Variants in LRP6 observed in about 807,000 individuals in gnomAD.
The protein encoded by LRP6 is LDL receptor related protein 6.
Under a neutral mutation model 184.1 loss-of-function variants are expected in LRP6, and 43 were observed. The ratio of observed to expected loss-of-function variants is 0.23; its 90% CI spans 0.18 to 0.30. The LOEUF is 0.30. Among genes scored for constraint, LRP6 ranks in the 10% least tolerant of loss-of-function variants. The pLI is 1.00. For synonymous variants in LRP6, 719 were observed against 684.9 expected, an observed-to-expected ratio of 1.05 and a Z score of -0.78; for missense variants, 1,571 against 2,005.3, an observed-to-expected ratio of 0.78 and a Z score of 4.14.
At chr12:12,202,405 T>G (rs924970886) in intron 3 of LRP6, among the ~76,000 whole-genome samples, 2 of 152,142 alleles carry the variant, frequency 1.3e-5, no homozygotes, top group Non-Finnish European at 2.9e-5. Flanking sequence ...TAGCCCGGTG[T>G]GATGGCGTGT....
At chr12:12,169,890 C>T (rs1862985703) in intron 7 of LRP6, among the ~76,000 whole-genome samples, 1 of 152,090 alleles carries the variant, frequency 6.6e-6, no homozygotes, top group Admixed American at 6.6e-5. Context: ...ACACTGTTTC[C>T]TTTAATTCCT....
intron 7 of LRP6, among the ~76,000 whole-genome samples, chr12:12,174,249 T>A (rs1402871742): frequency 1.3e-5 from 2 of 152,066 alleles, no homozygotes; most frequent in African/African-American, 4.8e-5. Flanking sequence ...ATAGCTGGGA[T>A]TACAGGCGCA....
chr12:12,255,971 A>T (rs946642052), intron 1 of LRP6, among the ~76,000 whole-genome samples: 1 of 152,176 alleles, frequency 6.6e-6, no homozygotes, highest in Non-Finnish European at 1.5e-5. Context: ...CAAAGTCATC[A>T]GCATCTCTTT....
Position 12,203,411 on chromosome 12 carries a change from T to C in LRP6, c.450-11A>G. On this transcript the variant is annotated splice_polypyrimidine_tract_variant and intron_variant, in intron 2 of 22. Coordinates refer to ENST00000261349, the MANE Select transcript of LRP6 (RefSeq NM_002336.3). ...GTCCAGTACATGAACCTAAAAATCA[T>C]AAAAATAATTAAAGCCATGACAGAG... 1.3e-6 allele frequency: 2 copies of C among 1,586,516 alleles called. No homozygotes were observed. The highest frequency in any genetic ancestry group is 1.3e-5 in the African/African-American group (1 of 74,452).
intron 2 of LRP6, among the ~76,000 whole-genome samples, chr12:12,203,974 C>T (rs1450569850): frequency 1.3e-5 from 2 of 152,084 alleles, no homozygotes; most frequent in African/African-American, 4.8e-5. Flanking sequence ...CAATGTATCT[C>T]CCCACAGATT....
intron 15 of LRP6, among the ~76,000 whole-genome samples, chr12:12,140,763 C>A (rs2136892687): frequency 6.6e-6 from 1 of 152,148 alleles, no homozygotes; most frequent in South Asian, 2.1e-4. Context: ...GTCACCATGC[C>A]AGGCTAATTT....
chr12:12,124,585 A>G lies in LRP6; in HGVS notation c.4527T>C (p.Pro1509=). 2 of 1,611,646 alleles carry G rather than the reference A, an allele frequency of 1.2e-6. No individual in the cohort carries two copies. Among genetic ancestry groups the G allele is most frequent in the Non-Finnish European group, 1.7e-6 (2 of 1,177,668 alleles). Residue 1509 remains proline (P), a synonymous_variant, in exon 22 of 23, where the codon CCT becomes CCC. Coordinates refer to ENST00000261349, the MANE Select transcript of LRP6 (RefSeq NM_002336.3). ...TMEFGYSSNS[P]STHRSYSYRP... is the part of the protein sequence containing the mutation. ...ATTACCTGTATGACCTATGAGTGGA[A>G]GGACTGTTTGAAGAATATCCAAATT...
intron 2 of LRP6, chr12:12,226,530 T>C (rs1864628118): frequency 6.6e-6 from 1 of 152,134 alleles, no homozygotes; most frequent in Non-Finnish European, 1.5e-5. Flanking sequence ...ATAACATAAA[T>C]GAAGAATGCC....
chr12:12,149,479 A>C (rs1950051563), intron 13 of LRP6, among the ~76,000 whole-genome samples: 1 of 152,196 alleles, frequency 6.6e-6, no homozygotes, highest in Non-Finnish European at 1.5e-5. Context: ...CTGTGGCTAA[A>C]ACCACACCCT....
chr12:12,198,066 C>T (rs927943288), intron 3 of LRP6, among the ~76,000 whole-genome samples: 2 of 152,166 alleles, frequency 1.3e-5, no homozygotes, highest in Admixed American at 6.5e-5. Context: ...TTACAAGCGC[C>T]CACCACCATG....
intron 1 of LRP6, among the ~76,000 whole-genome samples, chr12:12,256,914 T>G (rs911463707): frequency 1.3e-5 from 2 of 152,132 alleles, no homozygotes; most frequent in African/African-American, 2.4e-5. Context: ...ATTTAATATA[T>G]CCATACAATG....
intron 16 of LRP6, among the ~76,000 whole-genome samples, chr12:12,136,446 T>A (rs1010118297): frequency 6.6e-6 from 1 of 152,190 alleles, no homozygotes; most frequent in Admixed American, 6.5e-5. Flanking sequence ...AAAGGTAACT[T>A]GTAATACTAT....
intron 12 of LRP6, 128 bp from the exon 13 acceptor site, chr12:12,151,166 G>A (rs982262057): frequency 2.3e-6 from 2 of 874,998 alleles, no homozygotes; most frequent in Non-Finnish European, 3.6e-6. Context: ...CTAAGGCTGA[G>A]GACAAAATTC....
At chr12:12,176,638 A>G (rs1345827902) in intron 7 of LRP6, among the ~76,000 whole-genome samples, 1 of 152,124 alleles carries the variant, frequency 6.6e-6, no homozygotes, top group Non-Finnish European at 1.5e-5. Flanking sequence ...CCACTTACAA[A>G]AGAGGAAGTG....
chr12:12,186,343 A>C (rs777747007), intron 4 of LRP6, among the ~76,000 whole-genome samples: 7 of 152,180 alleles, frequency 4.6e-5, no homozygotes, highest in Non-Finnish European at 8.8e-5. Flanking sequence ...AGGCTACAAA[A>C]TGGTCTAGGC....
chr12:12,251,951 C>T (rs1323929646), intron 1 of LRP6, among the ~76,000 whole-genome samples: 3 of 151,784 alleles, frequency 2.0e-5, no homozygotes, highest in East Asian at 1.9e-4. Flanking sequence ...CTCATTGCAA[C>T]GGCACAATCA....
chr12:12,231,449 G>C (rs1411724887), intron 2 of LRP6, among the ~76,000 whole-genome samples: 1 of 152,038 alleles, frequency 6.6e-6, no homozygotes, highest in African/African-American at 2.4e-5. Context: ...AGGTAGGAAA[G>C]ATCACCAAAG....
chr12:12,164,425 G>T lies in LRP6; in HGVS notation c.1900C>A (p.Leu634Ile). The change falls in exon 9 of 23, where the codon CTT (leucine) becomes ATT (isoleucine). Residue 634 changes from leucine (L) to isoleucine (I), a missense_variant. By Grantham distance (5) the Leu-to-Ile change is conservative. Coordinates refer to ENST00000261349, the MANE Select transcript of LRP6 (RefSeq NM_002336.3). ...MKTCIVPEAF[L>I]LFSRRADIRR... ...ATATCTGCTCTCCGTGAAAACAAAAGGAAAGCCTCTGGGACAATGCAGGTC... is the reference window on the plus strand; with the variant it reads ...ATATCTGCTCTCCGTGAAAACAAAATGAAAGCCTCTGGGACAATGCAGGTC... 6.2e-7 allele frequency: 1 copy of T among 1,614,152 alleles called. No homozygotes were observed. The highest frequency in any genetic ancestry group is 8.5e-7 in the Non-Finnish European group (1 of 1,180,036).
intron 13 of LRP6, among the ~76,000 whole-genome samples, chr12:12,149,410 G>A (rs1950051051): frequency 6.6e-6 from 1 of 152,066 alleles, no homozygotes; most frequent in Admixed American, 6.5e-5. Context: ...ACCTGATAAT[G>A]CCTTGATTAA....
Sources: allele counts gnomAD v4.1 joint callset (sites outside exome capture counted in the v4.1 genomes callset), GRCh38; gene constraint gnomAD v4.1.1; transcripts MANE v1.5; gene names NCBI Gene and HGNC (gene_info 2026-07-23, HGNC 2026-07-21).